CDH13: variants seen among roughly 807,000 people sequenced by gnomAD.
CDH13 encodes the protein cadherin-13.
In CDH13, 24 loss-of-function variants were observed where a neutral mutation model predicts 63.8. That is an observed-to-expected ratio of 0.38 (90% CI 0.27 to 0.53). The LOEUF (loss-of-function observed/expected upper bound fraction) is 0.53. Ranked by LOEUF, CDH13 falls within the 20% of genes least tolerant of loss-of-function variation. The pLI is 0.85. For synonymous variants in CDH13, 503 were observed against 355.3 expected (o/e 1.42, Z -4.67); for missense variants, 1,049 against 903.1 (o/e 1.16, Z -2.07).
Position 82,695,821 on chromosome 16 carries a change from C to T in CDH13, c.45+68684C>T, listed in dbSNP as rs536761093. On this transcript the variant is annotated intron_variant, in intron 1 of 13. Transcript: ENST00000567109. Reference sequence around the variant, plus strand: ...CTGAATAACTTTTAGGTTTGTAAGACAGCACATTTAATTTTTAACAGATTA... The same window carrying T: ...CTGAATAACTTTTAGGTTTGTAAGATAGCACATTTAATTTTTAACAGATTA... 1.8e-3 allele frequency among the ~76,000 whole-genome samples: 270 copies of T among 152,256 alleles called. 1 individual carries two copies. The highest frequency in any genetic ancestry group is 6.2e-3 in the African/African-American group (257 of 41,538).
intron 1 of CDH13, among the ~76,000 whole-genome samples, chr16:82,673,372 C>G (rs371958125): frequency 7.2e-5 from 11 of 152,172 alleles, no homozygotes; most frequent in Admixed American, 2.0e-4. Flanking sequence ...ATTACTAGTT[C>G]TCTCTAGAAA....
intron 3 of CDH13, among the ~76,000 whole-genome samples, chr16:83,110,864 G>A (rs546250679): frequency 1.3e-5 from 2 of 152,122 alleles, no homozygotes; most frequent in East Asian, 3.9e-4. Context: ...CCAAAACCCT[G>A]GGACCTTGGG....
chr16:83,402,990 C>T (rs1490741959), intron 6 of CDH13, among the ~76,000 whole-genome samples: 2 of 152,136 alleles, frequency 1.3e-5, no homozygotes, highest in African/African-American at 2.4e-5. Context: ...CTTCTTAAAG[C>T]ATGTCTGAGC....
At chr16:83,400,240 G>A (rs1597930009) in intron 6 of CDH13, among the ~76,000 whole-genome samples, 1 of 152,196 alleles carries the variant, frequency 6.6e-6, no homozygotes, top group Admixed American at 6.5e-5. Flanking sequence ...ATCCAGAAAT[G>A]TCTATGTGGC....
chr16:83,404,862 C>G (rs2092018852), intron 6 of CDH13, among the ~76,000 whole-genome samples: 2 of 152,164 alleles, frequency 1.3e-5, no homozygotes, highest in African/African-American at 4.8e-5. Flanking sequence ...ATAGTTCTTC[C>G]TCATTCTCTT....
intron 11 of CDH13, among the ~76,000 whole-genome samples, chr16:83,764,245 G>A (rs936271657): frequency 6.6e-6 from 1 of 152,094 alleles, no homozygotes; most frequent in Non-Finnish European, 1.5e-5. Flanking sequence ...GAATGGATGG[G>A]CCATGGACCC....
intron 5 of CDH13, among the ~76,000 whole-genome samples, chr16:83,343,838 C>G (rs2090779672): frequency 6.6e-6 from 1 of 152,164 alleles, no homozygotes; most frequent in African/African-American, 2.4e-5. Context: ...TGCTTTCATT[C>G]TCTCCTCTGT....
chr16:83,617,438 G>A (rs900989006), intron 8 of CDH13, among the ~76,000 whole-genome samples: 1 of 151,546 alleles, frequency 6.6e-6, no homozygotes, highest in African/African-American at 2.4e-5. Context: ...ATTGTAATAT[G>A]CACATATCCT....
chr16:83,449,637 C>T (rs774947365), intron 6 of CDH13, among the ~76,000 whole-genome samples: 2 of 152,186 alleles, frequency 1.3e-5, no homozygotes, highest in Non-Finnish European at 2.9e-5. Context: ...TCCCACATCA[C>T]CTCCCCTCAT....
chr16:83,282,334 G>A (rs1303956957), intron 5 of CDH13, among the ~76,000 whole-genome samples: 3 of 152,170 alleles, frequency 2.0e-5, no homozygotes, highest in Admixed American at 2.0e-4. Context: ...TATGTTGATA[G>A]ACATGCTCAA....
chr16:83,608,572 A>T (rs1225945554), intron 8 of CDH13, among the ~76,000 whole-genome samples: 1 of 152,084 alleles, frequency 6.6e-6, no homozygotes, highest in African/African-American at 2.4e-5. Context: ...TGCAACCTCA[A>T]GCTCCTGGGC....
At chr16:83,273,172 AT>A (rs11477142) in intron 5 of CDH13, among the ~76,000 whole-genome samples, 10,706 of 151,234 alleles carry the variant, frequency 0.071, 418 homozygotes, top group East Asian at 0.15. Flanking sequence ...AATAATATCA[AT>A]TTTTTTTTCT....
chr16:82,834,694 A>G (rs942341535), intron 1 of CDH13, among the ~76,000 whole-genome samples: 2 of 152,058 alleles, frequency 1.3e-5, no homozygotes, highest in African/African-American at 4.8e-5. Flanking sequence ...CTGCTCACGC[A>G]CTTGGCTCCG....
chr16:83,253,430 G>A (rs1905828481), intron 5 of CDH13, among the ~76,000 whole-genome samples: 1 of 152,186 alleles, frequency 6.6e-6, no homozygotes, highest in African/African-American at 2.4e-5. Context: ...GTAAGAAGCA[G>A]CCAGTGTCCA....
intron 10 of CDH13, among the ~76,000 whole-genome samples, chr16:83,707,839 A>AAAAAAAAAAAAAAAAAAAAAAAAC (rs1907354101): frequency 1.4e-5 from 1 of 72,512 alleles, no homozygotes; most frequent in African/African-American, 6.0e-5. Flanking sequence ...CTAAAGGCAA[A>AAAAAAAAAAAAAAAAAAAAAAAAC]AAAAAAAAAA....
intron 3 of CDH13, among the ~76,000 whole-genome samples, chr16:83,051,503 C>G (rs1241322519): frequency 6.6e-6 from 1 of 152,160 alleles, no homozygotes; most frequent in East Asian, 1.9e-4. Flanking sequence ...TTTTTGCTTT[C>G]TTTGAGATCT....
chr16:82,815,597 T>C (rs2037665943), intron 1 of CDH13, among the ~76,000 whole-genome samples: 1 of 152,178 alleles, frequency 6.6e-6, no homozygotes, highest in Non-Finnish European at 1.5e-5. Flanking sequence ...ATGGGAATAG[T>C]GATGACTTGA....
At chr16:83,344,263 T>C (rs1049060361) in intron 5 of CDH13, among the ~76,000 whole-genome samples, 1 of 152,208 alleles carries the variant, frequency 6.6e-6, no homozygotes, top group Non-Finnish European at 1.5e-5. Flanking sequence ...TTCATTGAGA[T>C]CTGAAAGTAG....
intron 6 of CDH13, among the ~76,000 whole-genome samples, chr16:83,465,839 T>G (rs1204159313): frequency 2.6e-5 from 4 of 152,194 alleles, no homozygotes; most frequent in Admixed American, 2.0e-4. Context: ...TCTCACAAAC[T>G]CTATTCTCTC....
Sources: allele counts gnomAD v4.1 joint callset (sites outside exome capture counted in the v4.1 genomes callset), GRCh38; gene constraint gnomAD v4.1.1; transcripts MANE v1.5; gene names NCBI Gene and HGNC (gene_info 2026-07-23, HGNC 2026-07-21).